Variants in DMXL1 observed in about 807,000 individuals in gnomAD.
DMXL1 encodes the protein dmX-like protein 1.
DMXL1 carries 99 observed loss-of-function variants against 319.2 expected under a neutral mutation model. That is an observed-to-expected ratio of 0.31 (90% CI 0.26 to 0.37). The LOEUF (loss-of-function observed/expected upper bound fraction) is 0.37. Among genes scored for constraint, DMXL1 ranks in the 10% least tolerant of loss-of-function variants. DMXL1 has a pLI of 1.00. For missense variants in DMXL1, 3,745 were observed against 3,595.6 expected, an observed-to-expected ratio of 1.04 and a Z score of -1.06; for synonymous variants, 1,385 against 1,235.2, an observed-to-expected ratio of 1.12 and a Z score of -2.54.
At chr5:119,097,087 C>A (rs976009833) in intron 1 of DMXL1, among the ~76,000 whole-genome samples, 1 of 152,038 alleles carries the variant, frequency 6.6e-6, no homozygotes, top group Non-Finnish European at 1.5e-5. Flanking sequence ...CTAGAAAAGA[C>A]CAGGCAGATA....
At chr5:119,165,409 T>G (rs1773211235) in intron 21 of DMXL1, 129 bp downstream of exon 21, 3 of 549,194 alleles carry the variant, frequency 5.5e-6, no homozygotes, top group Non-Finnish European at 9.4e-6. Flanking sequence ...GTTTTATATT[T>G]AAAAGAGAGA....
intron 1 of DMXL1, among the ~76,000 whole-genome samples, chr5:119,071,948 A>C (rs1027736759): frequency 6.6e-6 from 1 of 152,146 alleles, no homozygotes; most frequent in African/African-American, 2.4e-5. Context: ...TTGTTCAAAA[A>C]TCTTTGTTGA....
In DMXL1 at chr5:119,197,858, A is replaced by C; in HGVS notation, c.7647A>C (p.Gln2549His). 1.2e-6 allele frequency: 2 copies of C among 1,614,186 alleles called. No individual in the cohort carries two copies. Among genetic ancestry groups the C allele is most frequent in the Non-Finnish European group, 1.7e-6 (2 of 1,180,008 alleles). ...TTGAAATCCATGGTGGGCCACCTCAAAATTATATCGCAAGTCATACCGCCG... is the reference window on the plus strand; with the variant it reads ...TTGAAATCCATGGTGGGCCACCTCACAATTATATCGCAAGTCATACCGCCG... Reference protein sequence around the residue: ...RRLEIHGGPPQNYIASHTAEE... With the variant: ...RRLEIHGGPPHNYIASHTAEE... Residue 2549 changes from glutamine (Q) to histidine (H), a missense_variant, in exon 32 of 44, where the codon CAA (glutamine) becomes CAC (histidine). Physicochemically the swap from Gln to His is conservative, Grantham distance 24. Coordinates refer to ENST00000539542, the MANE Select transcript of DMXL1 (RefSeq NM_001290321.3).
intron 31 of DMXL1, 67 bp downstream of exon 31, chr5:119,196,523 T>TG: frequency 8.2e-7 from 1 of 1,212,300 alleles, no homozygotes. Flanking sequence ...TTGTTTTTTT[T>TG]TTTTTTTTTT....
At chr5:119,156,778 T>A (rs1771172409) in intron 19 of DMXL1, among the ~76,000 whole-genome samples, 1 of 152,154 alleles carries the variant, frequency 6.6e-6, no homozygotes, top group African/African-American at 2.4e-5. Flanking sequence ...TGTACTAATT[T>A]ATGTTCCCAT....
At chr5:119,087,945 G>A (rs1342548641) in intron 1 of DMXL1, among the ~76,000 whole-genome samples, 1 of 152,062 alleles carries the variant, frequency 6.6e-6, no homozygotes, top group Admixed American at 6.6e-5. Flanking sequence ...GGGATTACAG[G>A]CACCCTCCAC....
In DMXL1 at chr5:119,150,220, A is replaced by G. The variant is rs926425750; in HGVS notation, c.4393A>G (p.Asn1465Asp). ...TCATATGTTAGAGACAGATGAAGAAAATACAAAGCCTAGAGTTATTGACCT... is the reference window on the plus strand; with the variant it reads ...TCATATGTTAGAGACAGATGAAGAAGATACAAAGCCTAGAGTTATTGACCT... ...DTHMLETDEE[N>D]TKPRVIDLSQ... The change falls in exon 18 of 44, where the codon AAT (asparagine) becomes GAT (aspartate). Residue 1465 changes from asparagine to aspartate, a missense_variant. By Grantham distance (23) the Asn-to-Asp change is conservative (BLOSUM62 1). Around this residue, in one of 4 missense-constraint regions of DMXL1, gnomAD observed 2,096 missense variants for 1,985.4 expected, o/e 1.06. Transcript: ENST00000539542. 2 of 1,613,820 alleles carry G rather than the reference A, an allele frequency of 1.2e-6. No individual in the cohort carries two copies. Among genetic ancestry groups the G allele is most frequent in the Admixed American group, 3.3e-5 (2 of 59,978 alleles).
chr5:119,120,882 G>A lies in DMXL1; in HGVS notation c.934-89G>A. The A allele has an allele frequency of 2.8e-6, 3 of 1,057,918 alleles. No homozygotes were observed. The Admixed American group carries it at 8.3e-5, about 29-fold the overall frequency. 65.5% of individuals were successfully genotyped at this position (1,057,918 alleles called of 1,614,324 possible). A position where few individuals can be genotyped will look rare whatever the true frequency, so the allele number is the denominator to read the frequency against. On this transcript the variant is annotated intron_variant, in intron 8 of 43. Coordinates refer to ENST00000539542, the MANE Select transcript of DMXL1 (RefSeq NM_001290321.3). ...AAACATGTAAAATGTTCTGAGCTAG[G>A]ATATATGTAACTTCTGACAATCATT...
At chr5:119,208,779 A>T (rs915019731) in intron 34 of DMXL1, among the ~76,000 whole-genome samples, 1 of 152,186 alleles carries the variant, frequency 6.6e-6, no homozygotes, top group Non-Finnish European at 1.5e-5. Flanking sequence ...ATGTATATAC[A>T]CTAGCGAAGC....
At chr5:119,119,763 G>T (rs982987778) in intron 8 of DMXL1, among the ~76,000 whole-genome samples, 2 of 151,962 alleles carry the variant, frequency 1.3e-5, no homozygotes, top group African/African-American at 4.8e-5. Context: ...TACCTGCCTC[G>T]GCCTCCCAAA....
intron 19 of DMXL1, among the ~76,000 whole-genome samples, chr5:119,157,885 C>T (rs747888670): frequency 1.1e-4 from 17 of 152,052 alleles, no homozygotes; most frequent in South Asian, 4.1e-4. Context: ...ATAGAGATTG[C>T]GTTGAATCTG....
At chr5:119,102,219 ATTATT>A (rs963597243) in intron 3 of DMXL1, 18 of 362,754 alleles carry the variant, frequency 5.0e-5, no homozygotes, top group Non-Finnish European at 7.5e-5. Flanking sequence ...GAAATGCTTT[ATTATT>A]TTATTTCTGA....
intron 33 of DMXL1, among the ~76,000 whole-genome samples, chr5:119,205,188 G>GA (rs1441766699): frequency 4.6e-5 from 7 of 151,808 alleles, no homozygotes; most frequent in African/African-American, 1.7e-4. Context: ...ATTAATCTTA[G>GA]AAAAATCTTA....
intron 4 of DMXL1, among the ~76,000 whole-genome samples, chr5:119,109,470 A>G (rs927912539): frequency 2.0e-5 from 3 of 152,292 alleles, no homozygotes; most frequent in East Asian, 3.9e-4. Flanking sequence ...CCAACTACCT[A>G]TAACAAAGTC....
intron 28 of DMXL1, among the ~76,000 whole-genome samples, chr5:119,185,808 T>C (rs1415710035): frequency 6.8e-6 from 1 of 147,824 alleles, no homozygotes; most frequent in Non-Finnish European, 1.5e-5. Context: ...TGGCCAGACT[T>C]TTTTTTTTTA....
chr5:119,207,153 A>G (rs1379985690), intron 34 of DMXL1, among the ~76,000 whole-genome samples: 1 of 152,224 alleles, frequency 6.6e-6, no homozygotes, highest in African/African-American at 2.4e-5. Context: ...AGTAAATACA[A>G]CTAAAGTTCT....
At chr5:119,188,289 C>A (rs976268944) in intron 28 of DMXL1, among the ~76,000 whole-genome samples, 2 of 152,114 alleles carry the variant, frequency 1.3e-5, no homozygotes, top group African/African-American at 4.8e-5. Flanking sequence ...ACAAAAACAG[C>A]CAGGTGCAGT....
intron 38 of DMXL1, among the ~76,000 whole-genome samples, chr5:119,228,850 A>G (rs1036796779): frequency 6.6e-6 from 1 of 152,182 alleles, no homozygotes. Flanking sequence ...GCAAATACAG[A>G]AAGTTATGTT....
At chr5:119,169,655 A>G (rs1774158670) in intron 23 of DMXL1, among the ~76,000 whole-genome samples, 3 of 152,220 alleles carry the variant, frequency 2.0e-5, no homozygotes, top group Admixed American at 2.0e-4. Context: ...AATGAAATGT[A>G]GGCCTTTGGA....
Sources: gnomAD v4.1 joint callset for allele counts (sites outside exome capture counted in the v4.1 genomes callset) on GRCh38, gnomAD v4.1.1 for gene constraint, gnomAD v4.1.1 regional missense constraint, MANE v1.5 for transcripts, NCBI Gene and HGNC (gene_info 2026-07-23, HGNC 2026-07-21) for gene names.